DENND4A: variants seen among roughly 807,000 people sequenced by gnomAD.
DENND4A encodes the protein DENN domain containing 4A, also known as C-myc promoter-binding protein.
Under a neutral mutation model 199.3 loss-of-function variants are expected in DENND4A, and 70 were observed. That is an observed-to-expected ratio of 0.35 (90% CI 0.29 to 0.43). The LOEUF is 0.43. DENND4A is among the 20% of genes least tolerant of loss of function. DENND4A has a pLI of 1.00. For missense variants in DENND4A, 1,723 were observed against 2,255.8 expected (o/e 0.76, Z 4.78); for synonymous variants, 686 against 766.9 (o/e 0.89, Z 1.74).
At chr15:65,677,007 A>T (rs912390748) in intron 23 of DENND4A, among the ~76,000 whole-genome samples, 1 of 152,106 alleles carries the variant, frequency 6.6e-6, no homozygotes, top group African/African-American at 2.4e-5. Context: ...AAAGACATAT[A>T]TATTTCTACT....
intron 24 of DENND4A, among the ~76,000 whole-genome samples, chr15:65,673,663 C>A (rs910554520): frequency 2.0e-5 from 3 of 149,646 alleles, no homozygotes; most frequent in Admixed American, 1.3e-4. Flanking sequence ...AGAACTATCA[C>A]TGGTCCTACT....
intron 14 of DENND4A, among the ~76,000 whole-genome samples, chr15:65,714,131 G>T (rs2075323706): frequency 6.6e-6 from 1 of 151,810 alleles, no homozygotes; most frequent in South Asian, 2.1e-4. Context: ...ATTATCTTTG[G>T]CCGGGTGCAG....
chr15:65,740,100 G>T (rs2076216726), intron 5 of DENND4A, among the ~76,000 whole-genome samples: 1 of 152,078 alleles, frequency 6.6e-6, no homozygotes, highest in African/African-American at 2.4e-5. Context: ...AGAATTGCTT[G>T]AACTCGGGAG....
Position 65,686,067 on chromosome 15 carries a change from G to C in DENND4A, c.4179+4348C>G, listed in dbSNP as rs62014387. ...TGTCAAATTCTACAAAATCCTGCTAGAATTTTGATAGGTGCAATTTTGATA... is the reference window on the plus strand; with the variant it reads ...TGTCAAATTCTACAAAATCCTGCTACAATTTTGATAGGTGCAATTTTGATA... On this transcript the variant is annotated intron_variant, in intron 23 of 32. Transcript: ENST00000443035. Among the ~76,000 whole-genome samples the C allele has an allele frequency of 7.2e-3, 1,100 of 152,280 alleles. 6 individuals are homozygous for C. The highest frequency in any genetic ancestry group is 0.012 in the Non-Finnish European group (785 of 68,018).
chr15:65,696,342 A>C, intron 22 of DENND4A, 24 bp downstream of exon 22: 1 of 1,605,266 alleles, frequency 6.2e-7, no homozygotes, highest in South Asian at 1.1e-5. Context: ...TCCGCACATA[A>C]CACAAGCGTA....
intron 23 of DENND4A, among the ~76,000 whole-genome samples, chr15:65,677,225 T>G (rs1320478681): frequency 6.6e-6 from 1 of 152,190 alleles, no homozygotes; most frequent in Non-Finnish European, 1.5e-5. Flanking sequence ...CAAAAATTTT[T>G]TTTTGAGACA....
rs192501123 is a variant in DENND4A, at chr15:65,754,438, G to A, written c.311+1702C>T. ...TTAACCTCTCTGAGCCTTATAGTCA[G>A]CTATAAAATCTAAACATTTTGGCTT... On this transcript the variant is annotated intron_variant, in intron 3 of 32. Transcript: ENST00000443035. Among the ~76,000 whole-genome samples, 288 of 152,242 alleles carry A rather than the reference G, an allele frequency of 1.9e-3. 3 individuals are homozygous for A. The highest frequency in any genetic ancestry group is 0.013 in the Admixed American group (197 of 15,288).
chr15:65,775,012 A>G (rs1484887554), intron 1 of DENND4A, among the ~76,000 whole-genome samples: 1 of 151,652 alleles, frequency 6.6e-6, no homozygotes, highest in East Asian at 1.9e-4. Context: ...GCCACCACAC[A>G]CAGCCCATAT....
chr15:65,731,702 T>C lies in DENND4A; in HGVS notation c.1108-2A>G, dbSNP rs1357803192. 1 of 1,546,086 alleles carries C rather than the reference T, an allele frequency of 6.5e-7. No individual in the cohort carries two copies. Among genetic ancestry groups the C allele is most frequent in the Non-Finnish European group, 8.7e-7 (1 of 1,143,238 alleles). ...AATCAGATTATCATGTGGTGATAAC[T>C]GGAAGAAGATTTAAAATAAAGAATT... On this transcript the variant is annotated splice_acceptor_variant, in intron 8 of 32. Transcript: ENST00000443035. LOFTEE classifies it high-confidence loss of function.
intron 17 of DENND4A, 95 bp from the exon 18 acceptor site, chr15:65,701,985 G>A: frequency 6.6e-7 from 1 of 1,518,938 alleles, no homozygotes; most frequent in South Asian, 1.2e-5. Flanking sequence ...AATTGTGGCA[G>A]GGCACAGTGG....
chr15:65,735,881 C>T (rs1475641075), intron 7 of DENND4A, among the ~76,000 whole-genome samples: 10 of 152,098 alleles, frequency 6.6e-5, no homozygotes, highest in Non-Finnish European at 4.4e-5. Flanking sequence ...CACCTGAGGT[C>T]AGGAGTTCGA....
At chr15:65,780,539 C>T (rs920811802) in intron 1 of DENND4A, among the ~76,000 whole-genome samples, 4 of 152,140 alleles carry the variant, frequency 2.6e-5, no homozygotes, top group African/African-American at 9.7e-5. Context: ...GTCAACTTTC[C>T]ATGACATTTT....
intron 22 of DENND4A, among the ~76,000 whole-genome samples, chr15:65,695,683 A>G (rs187306822): frequency 3.9e-5 from 6 of 152,304 alleles, no homozygotes; most frequent in Admixed American, 3.9e-4. Context: ...TTTATTAGGT[A>G]ATCACACTAT....
chr15:65,768,121 G>A (rs548988827), intron 1 of DENND4A, among the ~76,000 whole-genome samples: 1 of 152,194 alleles, frequency 6.6e-6, no homozygotes, highest in East Asian at 1.9e-4. Context: ...AGCCTCCTAA[G>A]TAGCTTGGGA....
intron 22 of DENND4A, among the ~76,000 whole-genome samples, chr15:65,695,327 G>T (rs980294270): frequency 2.0e-5 from 3 of 152,060 alleles, no homozygotes; most frequent in Non-Finnish European, 4.4e-5. Flanking sequence ...AAATGAATGA[G>T]CATGTCTGTG....
intron 4 of DENND4A, among the ~76,000 whole-genome samples, chr15:65,749,707 C>A (rs2076508714): frequency 6.6e-6 from 1 of 151,924 alleles, no homozygotes; most frequent in South Asian, 2.1e-4. Flanking sequence ...AAAATTAGAA[C>A]AATTTTGTAT....
intron 17 of DENND4A, 78 bp downstream of exon 17, chr15:65,702,227 T>C: frequency 8.4e-7 from 1 of 1,185,916 alleles, no homozygotes. Flanking sequence ...CATGACTGCA[T>C]CACTGCACTC....
chr15:65,745,061 T>G (rs1442517809), intron 4 of DENND4A, among the ~76,000 whole-genome samples: 3 of 152,226 alleles, frequency 2.0e-5, no homozygotes, highest in African/African-American at 7.2e-5. Context: ...AGTTCTCATT[T>G]AGATGTACTT....
intron 1 of DENND4A, among the ~76,000 whole-genome samples, chr15:65,783,969 C>T (rs2077500788): frequency 6.6e-6 from 1 of 152,028 alleles, no homozygotes; most frequent in Admixed American, 6.6e-5. Flanking sequence ...GAAAACAATA[C>T]AGTAAAGAAA....
Sources: allele counts gnomAD v4.1 joint callset (sites outside exome capture counted in the v4.1 genomes callset), GRCh38; gene constraint gnomAD v4.1.1; transcripts MANE v1.5; gene names NCBI Gene and HGNC (gene_info 2026-07-23, HGNC 2026-07-21).